Variants in RPS6KC1 observed in about 807,000 individuals in gnomAD.
RPS6KC1 encodes the protein ribosomal protein S6 kinase C1, also known as inactive ribosomal protein S6 kinase delta-1.
Under a neutral mutation model 103.8 loss-of-function variants are expected in RPS6KC1, and 54 were observed. That is an observed-to-expected ratio of 0.52 (90% confidence interval 0.42 to 0.65). RPS6KC1 has a LOEUF of 0.65. Ranked by LOEUF, RPS6KC1 falls within the 30% of genes least tolerant of loss-of-function variation. RPS6KC1 has a pLI of 0.00. For missense variants in RPS6KC1, 1,151 were observed against 1,253.8 expected (o/e 0.92, Z 1.24); for synonymous variants, 439 against 438.7 (o/e 1.00, Z -0.01).
the RPS6KC1 span, among the ~76,000 whole-genome samples, chr1:213,293,051 G>C: frequency 6.6e-6 from 1 of 152,204 alleles, no homozygotes; most frequent in Non-Finnish European, 1.5e-5. Flanking sequence ...TTGTTTGATA[G>C]ACATGACAGC....
At chr1:213,165,630 A>G (rs1008918167) in intron 6 of RPS6KC1, among the ~76,000 whole-genome samples, 3 of 152,060 alleles carry the variant, frequency 2.0e-5, no homozygotes, top group African/African-American at 7.2e-5. Flanking sequence ...TCACCATGTT[A>G]GCCAGGATGG....
At chr1:213,077,910 C>T in intron 3 of RPS6KC1, 94 bp downstream of exon 3, 1 of 589,110 alleles carries the variant, frequency 1.7e-6, no homozygotes, top group Non-Finnish European at 2.7e-6. Context: ...GTCAGAAGCC[C>T]TTTTACTTAT....
chr1:213,217,913 A>G (rs1436912502), intron 8 of RPS6KC1, among the ~76,000 whole-genome samples: 2 of 152,208 alleles, frequency 1.3e-5, no homozygotes, highest in East Asian at 3.9e-4. Context: ...CACAGCCAAT[A>G]TCATACTGAA....
intron 3 of RPS6KC1, among the ~76,000 whole-genome samples, chr1:213,080,804 ATCC>A (rs922162715): frequency 2.5e-4 from 38 of 152,300 alleles, no homozygotes; most frequent in African/African-American, 8.7e-4. Context: ...TGCTCAGGCA[ATCC>A]TCCTGCCTCA....
At chr1:213,711,815 C>T in the RPS6KC1 span, among the ~76,000 whole-genome samples, 1 of 152,170 alleles carries the variant, frequency 6.6e-6, no homozygotes, top group Non-Finnish European at 1.5e-5. Flanking sequence ...CACTCCATAT[C>T]CTGTTTGCCT....
chr1:213,684,023 A>G, the RPS6KC1 span, among the ~76,000 whole-genome samples: 1 of 152,188 alleles, frequency 6.6e-6, no homozygotes, highest in Non-Finnish European at 1.5e-5. Context: ...GCCTTGAAGC[A>G]TGTAGGGTTG....
chr1:213,850,369 C>T, the RPS6KC1 span, among the ~76,000 whole-genome samples: 1 of 152,196 alleles, frequency 6.6e-6, no homozygotes, highest in Non-Finnish European at 1.5e-5. Context: ...GTGTGTTTTA[C>T]TGTGAAAAGG....
chr1:213,407,955 A>C, the RPS6KC1 span, among the ~76,000 whole-genome samples: 1 of 152,214 alleles, frequency 6.6e-6, no homozygotes, highest in African/African-American at 2.4e-5. Flanking sequence ...CTGACACATA[A>C]TAGATGCTTA....
the RPS6KC1 span, among the ~76,000 whole-genome samples, chr1:213,387,431 A>G: frequency 1.3e-5 from 2 of 152,218 alleles, no homozygotes; most frequent in South Asian, 4.1e-4. Context: ...TCACCTGTGC[A>G]GGCTTCCTGG....
At chr1:213,256,029 T>G (rs970259275) in intron 12 of RPS6KC1, among the ~76,000 whole-genome samples, 11 of 150,722 alleles carry the variant, frequency 7.3e-5, no homozygotes, top group African/African-American at 2.7e-4. Flanking sequence ...ATTCAATGTC[T>G]TCTTTTCTGG....
chr1:213,461,502 A>C, the RPS6KC1 span, among the ~76,000 whole-genome samples: 1 of 152,244 alleles, frequency 6.6e-6, no homozygotes, highest in Non-Finnish European at 1.5e-5. Flanking sequence ...CCAAAGCTGG[A>C]GGCATCATGC....
the RPS6KC1 span, among the ~76,000 whole-genome samples, chr1:213,341,963 G>T: frequency 6.6e-6 from 1 of 152,210 alleles, no homozygotes; most frequent in Admixed American, 6.5e-5. Flanking sequence ...CACATTGTAA[G>T]TACTCTAGTC....
At chr1:213,684,902 C>T in the RPS6KC1 span, among the ~76,000 whole-genome samples, 1 of 152,206 alleles carries the variant, frequency 6.6e-6, no homozygotes, top group South Asian at 2.1e-4. Context: ...GAGCTGAATC[C>T]CGAAGATGTT....
chr1:213,673,625 G>A, the RPS6KC1 span, among the ~76,000 whole-genome samples: 1 of 151,796 alleles, frequency 6.6e-6, no homozygotes, highest in Non-Finnish European at 1.5e-5. Context: ...CAGATATAGG[G>A]CCTCAAAGAG....
chr1:213,390,914 A>C, the RPS6KC1 span, among the ~76,000 whole-genome samples: 1 of 152,120 alleles, frequency 6.6e-6, no homozygotes, highest in Non-Finnish European at 1.5e-5. Context: ...AGGGGCCATA[A>C]TTCCATACTT....
the RPS6KC1 span, among the ~76,000 whole-genome samples, chr1:213,813,887 C>G: frequency 1.3e-5 from 2 of 152,132 alleles, no homozygotes; most frequent in African/African-American, 2.4e-5. Flanking sequence ...CACTTCTCAC[C>G]TTGAAGTCCC....
intron 3 of RPS6KC1, among the ~76,000 whole-genome samples, chr1:213,093,456 C>T (rs529063835): frequency 5.9e-4 from 89 of 152,090 alleles, no homozygotes; most frequent in African/African-American, 2.0e-3. Flanking sequence ...GTGATCCTCC[C>T]GCCTCAGCCT....
At chr1:213,555,487 G>A in the RPS6KC1 span, among the ~76,000 whole-genome samples, 3 of 152,162 alleles carry the variant, frequency 2.0e-5, no homozygotes, top group Non-Finnish European at 2.9e-5. Flanking sequence ...TTTTAAGACA[G>A]GGTCCCACTC....
chr1:213,457,172 A>G, the RPS6KC1 span, among the ~76,000 whole-genome samples: 187 of 152,302 alleles, frequency 1.2e-3, 2 homozygotes, highest in Non-Finnish European at 2.2e-3. Context: ...ATTCAGCCCT[A>G]AGATTCTTTG....
Sources: allele counts gnomAD v4.1 joint callset (sites outside exome capture counted in the v4.1 genomes callset), GRCh38; gene constraint gnomAD v4.1.1; transcripts MANE v1.5; gene names NCBI Gene and HGNC (gene_info 2026-07-23, HGNC 2026-07-21).